MYRFL: variants seen among roughly 807,000 people sequenced by gnomAD.
MYRFL encodes myelin regulatory factor like.
In MYRFL, 88 loss-of-function variants were observed where a neutral mutation model predicts 109.4. The ratio of observed to expected loss-of-function variants is 0.80; its 90% CI spans 0.68 to 0.96. MYRFL has a LOEUF of 0.96. Among genes scored for constraint, MYRFL ranks in the 40% least tolerant of loss-of-function variants. The pLI is 0.00. For synonymous variants in MYRFL, 324 were observed against 320.9 expected, an observed-to-expected ratio of 1.01 and a Z score of -0.10; for missense variants, 957 against 954.9, an observed-to-expected ratio of 1.00 and a Z score of -0.03.
chr12:69,834,692 C>CT (rs905213183), intron 1 of MYRFL, among the ~76,000 whole-genome samples: 10 of 152,094 alleles, frequency 6.6e-5, no homozygotes, highest in African/African-American at 2.4e-4. Flanking sequence ...CCATACATTT[C>CT]TTTTTCAAAG....
intron 19 of MYRFL, among the ~76,000 whole-genome samples, chr12:69,940,097 G>C (rs1278269765): frequency 2.0e-5 from 3 of 151,600 alleles, no homozygotes; most frequent in Non-Finnish European, 2.9e-5. Flanking sequence ...GAAAGTGATG[G>C]GGAGAATGGA....
At chr12:69,884,881 T>C (rs1174349478) in intron 5 of MYRFL, among the ~76,000 whole-genome samples, 1 of 152,184 alleles carries the variant, frequency 6.6e-6, no homozygotes, top group Non-Finnish European at 1.5e-5. Context: ...ATTACTCCCA[T>C]TTTGCAGATG....
chr12:69,848,765 T>C (rs957674691), intron 1 of MYRFL, among the ~76,000 whole-genome samples: 1 of 152,248 alleles, frequency 6.6e-6, no homozygotes, highest in African/African-American at 2.4e-5. Context: ...GTGTATTGTG[T>C]AATAACATGG....
intron 2 of MYRFL, among the ~76,000 whole-genome samples, chr12:69,869,798 G>A (rs757415229): frequency 6.6e-6 from 1 of 152,184 alleles, no homozygotes; most frequent in Non-Finnish European, 1.5e-5. Flanking sequence ...ATGTCTGGTA[G>A]AGTCATGAGC....
At chr12:69,932,455 C>T (rs117875648) in intron 15 of MYRFL, 58 bp from the exon 16 acceptor site, 20,890 of 1,175,126 alleles carry the variant, frequency 0.018, 231 homozygotes, top group Non-Finnish European at 0.022. Flanking sequence ...TCTCCAGGCT[C>T]CCTTCTCACA....
chr12:69,852,534 A>C (rs1883934312), intron 1 of MYRFL, among the ~76,000 whole-genome samples: 1 of 149,666 alleles, frequency 6.7e-6, no homozygotes, highest in Non-Finnish European at 1.5e-5. Context: ...AGCTATTTTA[A>C]ATAGCTCAAA....
At chr12:69,886,746 G>T in intron 5 of MYRFL, 74 bp from the exon 6 acceptor site, 2 of 1,505,816 alleles carry the variant, frequency 1.3e-6, no homozygotes, top group Non-Finnish European at 1.8e-6. Flanking sequence ...CCACTCATCA[G>T]CTTCATGCTG....
chr12:69,919,363 A>C (rs1954837151), intron 13 of MYRFL, among the ~76,000 whole-genome samples: 1 of 152,246 alleles, frequency 6.6e-6, no homozygotes, highest in Non-Finnish European at 1.5e-5. Context: ...AAGTAACAAA[A>C]ATTAAACGAG....
chr12:69,944,736 T>C (rs1485687518), intron 19 of MYRFL, among the ~76,000 whole-genome samples: 3 of 151,474 alleles, frequency 2.0e-5, no homozygotes, highest in African/African-American at 7.3e-5. Flanking sequence ...GGATATCCCT[T>C]GGGCTAGGGG....
intron 1 of MYRFL, among the ~76,000 whole-genome samples, chr12:69,845,657 A>C (rs1386196893): frequency 6.6e-6 from 1 of 152,198 alleles, no homozygotes; most frequent in Non-Finnish European, 1.5e-5. Flanking sequence ...TAGAAAGCAG[A>C]ACTATTATGT....
chr12:69,842,217 G>A (rs897356390), intron 1 of MYRFL, among the ~76,000 whole-genome samples: 1 of 152,194 alleles, frequency 6.6e-6, no homozygotes. Flanking sequence ...CTTTAAACTA[G>A]TCTTGCCCAG....
At chr12:69,944,718 A>T (rs1193560155) in intron 19 of MYRFL, among the ~76,000 whole-genome samples, 1 of 152,174 alleles carries the variant, frequency 6.6e-6, no homozygotes, top group African/African-American at 2.4e-5. Context: ...ACAAATATTT[A>T]AAGTAATGGA....
chr12:69,889,243 T>C (rs536786032), intron 6 of MYRFL, among the ~76,000 whole-genome samples: 1 of 152,096 alleles, frequency 6.6e-6, no homozygotes, highest in South Asian at 2.1e-4. Context: ...TTTAGGAAGC[T>C]TGATGAATTA....
chr12:69,943,989 A>G (rs755779124), intron 19 of MYRFL, among the ~76,000 whole-genome samples: 14,122 of 148,088 alleles, frequency 0.095, 913 homozygotes, highest in Middle Eastern at 0.17. Context: ...ATGAGATACC[A>G]TCTCACACCA....
intron 16 of MYRFL, among the ~76,000 whole-genome samples, chr12:69,935,238 G>A (rs890166672): frequency 1.7e-4 from 26 of 152,176 alleles, no homozygotes; most frequent in African/African-American, 6.0e-4. Flanking sequence ...CCTTTGATGG[G>A]AAGCAAAATA....
chr12:69,945,897 G>T (rs1175119179), intron 19 of MYRFL, among the ~76,000 whole-genome samples: 50 of 137,198 alleles, frequency 3.6e-4, no homozygotes, highest in Non-Finnish European at 7.1e-4. Flanking sequence ...TGAGGCAGGA[G>T]AATGGCGTGA....
intron 2 of MYRFL, among the ~76,000 whole-genome samples, chr12:69,877,026 T>C (rs371300318): frequency 4.3e-4 from 42 of 97,360 alleles, no homozygotes; most frequent in African/African-American, 1.4e-3. Flanking sequence ...TTTCTTTCTT[T>C]TTTTTTTTTT....
At position 69,926,932 on chromosome 12, in the gene MYRFL, G is replaced by GTTTTTTTTTTTTTTTTTTTTTTTT. The variant is rs1336716063; in HGVS notation, c.1766+198_1766+199insTTTTTTTTTTTTTTTTTTTTTTTT. On this transcript the variant is annotated intron_variant, in intron 14 of 24. Transcript: ENST00000552032. The stretch of plus-strand genomic sequence containing the variant: ...ACTTTCTTAGTTTTTTTCTGTTGCT[G>GTTTTTTTTTTTTTTTTTTTTTTTT]GTTTTTTTTTTTTTTTTTTTTTTTT... Among the ~76,000 whole-genome samples the GTTTTTTTTTTTTTTTTTTTTTTTT allele has an allele frequency of 1.3e-3, 101 of 76,850 alleles. 43 individuals carry two copies. The highest frequency in any genetic ancestry group is 1.8e-3 in the Non-Finnish European group (71 of 39,078). 50.4% of individuals were successfully genotyped at this position (76,850 alleles called of 152,430 possible).
intron 13 of MYRFL, among the ~76,000 whole-genome samples, chr12:69,922,880 CA>C: frequency 6.6e-6 from 1 of 152,262 alleles, no homozygotes; most frequent in East Asian, 1.9e-4. Context: ...TGTTGGAAAA[CA>C]GTGATACTCT....
Sources: allele counts gnomAD v4.1 joint callset (sites outside exome capture counted in the v4.1 genomes callset), GRCh38; gene constraint gnomAD v4.1.1; transcripts MANE v1.5; gene names NCBI Gene and HGNC (gene_info 2026-07-23, HGNC 2026-07-21).